INPP5A: variants seen among roughly 807,000 people sequenced by gnomAD.
INPP5A encodes the protein inositol polyphosphate-5-phosphatase A.
A neutral mutation model predicts 65.2 loss-of-function variants in INPP5A; 14 were observed. The ratio of observed to expected loss-of-function variants is 0.21; its 90% CI spans 0.14 to 0.34. The LOEUF (loss-of-function observed/expected upper bound fraction) is 0.34. Among genes scored for constraint, INPP5A ranks in the 10% least tolerant of loss-of-function variants. INPP5A has a pLI of 1.00. For synonymous variants in INPP5A, 207 were observed against 208.3 expected (o/e 0.99, Z 0.05); for missense variants, 431 against 545.6 (o/e 0.79, Z 2.09).
intron 1 of INPP5A, among the ~76,000 whole-genome samples, chr10:132,600,367 T>G (rs2071760083): frequency 6.6e-6 from 1 of 152,242 alleles, no homozygotes; most frequent in African/African-American, 2.4e-5. Context: ...TGCTAAAACA[T>G]AACAAGGGTC....
intron 1 of INPP5A, among the ~76,000 whole-genome samples, chr10:132,596,920 TGCGC>T (rs1314459667): frequency 1.8e-4 from 5 of 27,172 alleles, no homozygotes; most frequent in Non-Finnish European, 2.5e-4. Flanking sequence ...TGTGCATGTG[TGCGC>T]GCATGTGCAC....
At position 132,672,639 on chromosome 10, in the gene INPP5A, A is replaced by G. The variant is rs916023352; in HGVS notation, c.307-17753A>G. On this transcript the variant is annotated intron_variant, in intron 4 of 15. Transcript: ENST00000368594. ...CCATATTAAACCTCTTTCTTTTGTA[A>G]ATTCCTCAGTCTCGGGTATGTATTT... 2.6e-5 allele frequency among the ~76,000 whole-genome samples: 4 copies of G among 152,224 alleles called. No individual in the cohort carries two copies. The East Asian group carries it at 7.7e-4, about 29-fold the overall frequency.
In INPP5A at chr10:132,612,901, G is replaced by A. The variant is rs115663081; in HGVS notation, c.117+4945G>A. Among the ~76,000 whole-genome samples, 709 of 152,274 alleles carry A rather than the reference G, an allele frequency of 4.7e-3. 8 individuals carry two copies. The highest frequency in any genetic ancestry group is 0.016 in the African/African-American group (665 of 41,542). Reference sequence around the variant, plus strand: ...CAGGAGGGGCCGGCAGTGGGGATGGGTCCTGGCTGCTCTGTCCCATGGAGC... The same window carrying A: ...CAGGAGGGGCCGGCAGTGGGGATGGATCCTGGCTGCTCTGTCCCATGGAGC... On this transcript the variant is annotated intron_variant, in intron 2 of 15. Coordinates refer to ENST00000368594, the MANE Select transcript of INPP5A (RefSeq NM_005539.5).
chr10:132,781,752 A>G (rs1014131485), intron 14 of INPP5A, 109 bp from the exon 15 acceptor site: 10 of 900,790 alleles, frequency 1.1e-5, no homozygotes, highest in East Asian at 2.4e-5. Context: ...AGCCCGGTTC[A>G]TGGCTGCCCT....
At chr10:132,558,403 G>A (rs1413049626) in intron 1 of INPP5A, among the ~76,000 whole-genome samples, 2 of 152,196 alleles carry the variant, frequency 1.3e-5, no homozygotes. Context: ...CCCTCCTCAG[G>A]CCCTGACAGC....
intron 1 of INPP5A, among the ~76,000 whole-genome samples, chr10:132,588,307 G>GA (rs2071573213): frequency 6.6e-6 from 1 of 152,198 alleles, no homozygotes; most frequent in African/African-American, 2.4e-5. Context: ...TATTCTGAGA[G>GA]AAAACTGAAT....
At chr10:132,586,807 A>G (rs2133307200) in intron 1 of INPP5A, among the ~76,000 whole-genome samples, 1 of 152,368 alleles carries the variant, frequency 6.6e-6, no homozygotes, top group African/African-American at 2.4e-5. Flanking sequence ...AGAAAGAAAC[A>G]TGCATGCATG....
chr10:132,764,965 T>C (rs372920945), intron 11 of INPP5A, among the ~76,000 whole-genome samples: 916 of 61,800 alleles, frequency 0.015, no homozygotes, highest in Middle Eastern at 0.032. Flanking sequence ...CACGGTCGGG[T>C]CAGTCCTGCT....
At chr10:132,613,069 C>G (rs964080136) in intron 2 of INPP5A, among the ~76,000 whole-genome samples, 1 of 152,210 alleles carries the variant, frequency 6.6e-6, no homozygotes, top group Admixed American at 6.5e-5. Flanking sequence ...CTCAGGCCGC[C>G]CAGAATCCCC....
chr10:132,752,544 C>T lies in INPP5A; in HGVS notation c.903+2699C>T, dbSNP rs144188762. Among the ~76,000 whole-genome samples the T allele has an allele frequency of 6.4e-3, 552 of 86,196 alleles. 7 individuals are homozygous for T. Among genetic ancestry groups the T allele is most frequent in the African/African-American group, 0.024 (513 of 21,304 alleles). 56.5% of individuals were successfully genotyped at this position (86,196 alleles called of 152,430 possible). A position where few individuals can be genotyped will look rare whatever the true frequency, so the allele number is the denominator to read the frequency against. ...GTGGAGGAGGTGTGGCGTGGAGGGG[C>T]GTGGCGAGGAGGTGTGGCGTGGAGG... is the stretch of plus-strand genomic sequence containing the variant. On this transcript the variant is annotated intron_variant, in intron 11 of 15. Coordinates refer to ENST00000368594, the MANE Select transcript of INPP5A (RefSeq NM_005539.5).
chr10:132,720,893 T>C (rs1845861426), intron 8 of INPP5A, among the ~76,000 whole-genome samples: 1 of 150,042 alleles, frequency 6.7e-6, no homozygotes, highest in Non-Finnish European at 1.5e-5. Context: ...GGGTTCTGTC[T>C]GGGCGCCTTA....
At chr10:132,614,041 A>G (rs1240558842) in intron 2 of INPP5A, among the ~76,000 whole-genome samples, 1 of 152,230 alleles carries the variant, frequency 6.6e-6, no homozygotes, top group Non-Finnish European at 1.5e-5. Flanking sequence ...CAGCGCAGAA[A>G]AGCCTGTGTG....
chr10:132,688,899 C>G (rs1377688992), intron 4 of INPP5A, among the ~76,000 whole-genome samples: 5 of 151,174 alleles, frequency 3.3e-5, no homozygotes, highest in African/African-American at 1.2e-4. Context: ...AGTGGGAGAG[C>G]AAGCACGTGA....
chr10:132,626,983 C>A lies in INPP5A; in HGVS notation c.118-18885C>A, dbSNP rs555833806. Among the ~76,000 whole-genome samples the A allele has an allele frequency of 2.2e-4, 33 of 152,258 alleles. 1 individual carries two copies. The highest frequency in any genetic ancestry group is 2.2e-3 in the Admixed American group (33 of 15,294). On this transcript the variant is annotated intron_variant, in intron 2 of 15. Coordinates refer to ENST00000368594, the MANE Select transcript of INPP5A (RefSeq NM_005539.5). ...AAGTTCATAGGTTGTGCTCTGACCCCAGTGTAATGGTATTGAGGGGGGTGG... is the reference window on the plus strand; with the variant it reads ...AAGTTCATAGGTTGTGCTCTGACCCAAGTGTAATGGTATTGAGGGGGGTGG...
intron 8 of INPP5A, among the ~76,000 whole-genome samples, chr10:132,718,469 T>TGTG (rs1312940939): frequency 1.3e-5 from 2 of 150,190 alleles, no homozygotes; most frequent in Non-Finnish European, 3.0e-5. Context: ...TTCAGGGTTC[T>TGTG]GTGGTGCCTG....
At chr10:132,751,887 G>C (rs1846487396) in intron 11 of INPP5A, among the ~76,000 whole-genome samples, 1 of 113,232 alleles carries the variant, frequency 8.8e-6, no homozygotes, top group Non-Finnish European at 2.2e-5. Flanking sequence ...GGGTGCCTAG[G>C]AGGTGTCTGG....
At chr10:132,561,465 A>G (rs957865353) in intron 1 of INPP5A, among the ~76,000 whole-genome samples, 1 of 151,762 alleles carries the variant, frequency 6.6e-6, no homozygotes, top group Non-Finnish European at 1.5e-5. Context: ...ATTCTTCCTC[A>G]TTGAATTGTC....
At chr10:132,688,790 A>G (rs1333232806) in intron 4 of INPP5A, among the ~76,000 whole-genome samples, 1 of 148,714 alleles carries the variant, frequency 6.7e-6, no homozygotes, top group Non-Finnish European at 1.5e-5. Flanking sequence ...GTGTGTGAGC[A>G]AGTGCGTGTG....
chr10:132,708,938 CAT>C (rs1489636217), intron 7 of INPP5A, among the ~76,000 whole-genome samples: 2 of 152,212 alleles, frequency 1.3e-5, no homozygotes, highest in Non-Finnish European at 2.9e-5. Flanking sequence ...CCAGCCATCA[CAT>C]CTCATTTGAA....
Sources: allele counts gnomAD v4.1 joint callset (sites outside exome capture counted in the v4.1 genomes callset), GRCh38; gene constraint gnomAD v4.1.1; transcripts MANE v1.5; gene names NCBI Gene and HGNC (gene_info 2026-07-23, HGNC 2026-07-21).